HELB: variants seen among roughly 807,000 people sequenced by gnomAD.
HELB encodes the protein DNA 5'-3' helicase B.
HELB carries 96 observed loss-of-function variants against 101.7 expected under a neutral mutation model. The observed-to-expected ratio is 0.94, with a 90% CI of 0.80 to 1.12. The LOEUF (loss-of-function observed/expected upper bound fraction) is 1.12. Ranked by LOEUF, HELB falls within the 50% of genes most tolerant of loss-of-function variation. HELB has a pLI of 0.00. For missense variants in HELB, 1,210 were observed against 1,291.9 expected, an observed-to-expected ratio of 0.94 and a Z score of 0.97; for synonymous variants, 437 against 459.7, an observed-to-expected ratio of 0.95 and a Z score of 0.63.
Position 66,309,742 on chromosome 12 carries a change from G to C in HELB, c.814G>C (p.Ala272Pro). The C allele has an allele frequency of 6.2e-7, 1 of 1,612,530 alleles. No homozygotes were observed. The highest frequency in any genetic ancestry group is 8.5e-7 in the Non-Finnish European group (1 of 1,178,982). Residue 272 changes from alanine to proline, a missense_variant, in exon 4 of 13, where the codon GCA becomes CCA. Physicochemically the swap from Ala to Pro is conservative, Grantham distance 27. Around this residue, in one of 2 missense-constraint regions of HELB, gnomAD observed 470 missense variants for 563.1 expected, o/e 0.83. Coordinates refer to ENST00000247815, the MANE Select transcript of HELB (RefSeq NM_001370285.1). ...YREWKLLRCE[A>P]SWIAFCQCES... ...AGAGTGGAAACTCCTGCGATGTGAG[G>C]CAAGTTGGATAGCATTTTGTCAGTG...
chr12:66,315,377 C>A lies in HELB; in HGVS notation c.1994C>A (p.Ala665Asp). Residue 665 changes from alanine to aspartate, a missense_variant, in exon 6 of 13, where the codon GCT (alanine) becomes GAT (aspartate). Coordinates refer to ENST00000247815, the MANE Select transcript of HELB (RefSeq NM_001370285.1). ...RAESQLIVDNATRISRRQFPK... is the reference protein window; with the variant it reads ...RAESQLIVDNDTRISRRQFPK... ...GAATCTCAGCTCATTGTGGACAATG[C>A]TACAAGGTATAATATTACTAAGAGT... 3 of 1,581,554 alleles carry A rather than the reference C, an allele frequency of 1.9e-6. No homozygotes were observed. The highest frequency in any genetic ancestry group is 1.7e-6 in the Non-Finnish European group (2 of 1,166,986).
chr12:66,334,873 G>A (rs1028309414), intron 12 of HELB, among the ~76,000 whole-genome samples: 1 of 152,114 alleles, frequency 6.6e-6, no homozygotes, highest in South Asian at 2.1e-4. Flanking sequence ...GGGAAGTGAG[G>A]AGACCAGTAG....
At chr12:66,315,453 A>G (rs745495409) in intron 6 of HELB, 70 bp downstream of exon 6, 21 of 1,178,156 alleles carry the variant, frequency 1.8e-5, no homozygotes, top group African/African-American at 3.1e-5. Flanking sequence ...CCTTTGAATT[A>G]GAATGATTTA....
chr12:66,317,470 C>A (rs1415208915), intron 6 of HELB, among the ~76,000 whole-genome samples: 1 of 152,142 alleles, frequency 6.6e-6, no homozygotes, highest in African/African-American at 2.4e-5. Context: ...TTCCTGTAAT[C>A]TTTCTGCTTC....
chr12:66,322,004 A>G lies in HELB; in HGVS notation c.2212A>G (p.Thr738Ala). The change falls in exon 8 of 13, where the codon ACA becomes GCA. Residue 738 changes from threonine (T) to alanine (A), a missense_variant. This residue lies in a region of HELB where 740 missense variants were observed against 728.8 expected (regional missense o/e 1.02). Coordinates refer to ENST00000247815, the MANE Select transcript of HELB (RefSeq NM_001370285.1). ...AGAAAATAACTTACAAAATGCAAAA[A>G]CATCACAATTTATTGCATTTAGAAG... ...LQENNLQNAK[T>A]SQFIAFRRQD... 8.6e-7 allele frequency: 1 copy of G among 1,169,440 alleles called. No individual in the cohort carries two copies. Among genetic ancestry groups the G allele is most frequent in the Non-Finnish European group, 1.2e-6 (1 of 806,336 alleles). 72.4% of individuals were successfully genotyped at this position (1,169,440 alleles called of 1,614,324 possible).
At chr12:66,323,936 C>A in intron 9 of HELB, 47 bp from the exon 10 acceptor site, 1 of 1,281,068 alleles carries the variant, frequency 7.8e-7, no homozygotes, top group Non-Finnish European at 1.1e-6. Context: ...ACAAGTGAAA[C>A]GGAGACTTTC....
rs2053475950 is a variant in HELB at position 66,306,389 on chromosome 12, A to G, written c.652A>G (p.Met218Val). 6 of 1,603,146 alleles carry G rather than the reference A, an allele frequency of 3.7e-6. No homozygotes were observed. Among genetic ancestry groups the G allele is most frequent in the Admixed American group, 1.7e-5 (1 of 58,112 alleles). The change falls in exon 3 of 13, where the codon ATG becomes GTG. Residue 218 changes from methionine (M) to valine (V), a missense_variant. This residue lies in a region of HELB where 470 missense variants were observed against 563.1 expected (regional missense o/e 0.83). Transcript: ENST00000247815. ...GACAGCTTTGCAGTTTCCGAAGATA[A>G]TGGAATTCCTTCCAGTTCTTCTGCC... Reference protein sequence around the residue: ...VMTALQFPKIMEFLPVLLPRH... With the variant: ...VMTALQFPKIVEFLPVLLPRH...
chr12:66,305,449 A>C (rs1285405751), intron 2 of HELB, among the ~76,000 whole-genome samples: 1 of 152,160 alleles, frequency 6.6e-6, no homozygotes, highest in Non-Finnish European at 1.5e-5. Context: ...ATAAAAAAAA[A>C]TTCAGTTGCT....
intron 12 of HELB, among the ~76,000 whole-genome samples, chr12:66,337,650 A>G (rs1214635726): frequency 6.6e-6 from 1 of 152,030 alleles, no homozygotes; most frequent in African/African-American, 2.4e-5. Context: ...TGTAATCACC[A>G]TCTTGAAATT....
intron 12 of HELB, among the ~76,000 whole-genome samples, chr12:66,332,586 C>T (rs746839864): frequency 1.8e-4 from 28 of 152,188 alleles, no homozygotes; most frequent in Non-Finnish European, 3.5e-4. Context: ...GAGTAAGTCT[C>T]AGTGTTGCAG....
At chr12:66,319,155 T>C (rs2053643271) in intron 7 of HELB, among the ~76,000 whole-genome samples, 1 of 152,226 alleles carries the variant, frequency 6.6e-6, no homozygotes, top group Non-Finnish European at 1.5e-5. Context: ...TACATTTATT[T>C]TGAATACAAA....
At chr12:66,327,623 A>G (rs1424383215) in intron 11 of HELB, among the ~76,000 whole-genome samples, 3 of 152,218 alleles carry the variant, frequency 2.0e-5, no homozygotes, top group Admixed American at 6.5e-5. Context: ...TGATTGTTAT[A>G]TCAACACACT....
chr12:66,318,612 G>GT, intron 6 of HELB, 26 bp from the exon 7 acceptor site: 3 of 1,486,778 alleles, frequency 2.0e-6, no homozygotes, highest in Middle Eastern at 4.0e-4. Flanking sequence ...AATGTTCTTT[G>GT]TGTGTGTGTG....
At chr12:66,322,087 T>C in intron 8 of HELB, 58 bp downstream of exon 8, 1 of 667,808 alleles carries the variant, frequency 1.5e-6, no homozygotes, top group Non-Finnish European at 2.6e-6. Context: ...TCATAACTTA[T>C]TAATATAGAT....
intron 1 of HELB, among the ~76,000 whole-genome samples, chr12:66,303,350 G>A (rs939453382): frequency 6.6e-6 from 1 of 151,988 alleles, no homozygotes; most frequent in African/African-American, 2.4e-5. Context: ...AAAACAGTCC[G>A]GGCGCGGTGG....
At chr12:66,314,448 A>G (rs1001970411) in intron 5 of HELB, among the ~76,000 whole-genome samples, 1 of 152,180 alleles carries the variant, frequency 6.6e-6, no homozygotes, top group Non-Finnish European at 1.5e-5. Flanking sequence ...CCACAGATTC[A>G]GAGTAAATCA....
chr12:66,304,535 T>C (rs757956008), intron 1 of HELB, among the ~76,000 whole-genome samples, 196 bp from the exon 2 acceptor site: 5 of 152,156 alleles, frequency 3.3e-5, no homozygotes, highest in Admixed American at 2.6e-4. Context: ...TGTCCTGTTT[T>C]AGTATTTACA....
At chr12:66,320,994 C>A (rs1363042952) in intron 7 of HELB, among the ~76,000 whole-genome samples, 1 of 152,186 alleles carries the variant, frequency 6.6e-6, no homozygotes, top group Non-Finnish European at 1.5e-5. Context: ...TTGGAAATTC[C>A]TGTTCCGGAA....
At position 66,325,175 on chromosome 12, in the gene HELB, A is replaced by T. The variant is rs755744599; in HGVS notation, c.2670+49A>T. The T allele has an allele frequency of 1.3e-5, 18 of 1,347,946 alleles. 1 individual carries two copies. In the South Asian group the frequency reaches 2.3e-4, roughly 17 times the overall value. 83.5% of individuals were successfully genotyped at this position (1,347,946 alleles called of 1,614,324 possible). A position where few individuals can be genotyped will look rare whatever the true frequency, so the allele number is the denominator to read the frequency against. ...CTTTTAAATAATTTACCAACCTTAGAGCGCCTTGCATTGTTTTCGTAAATT... is the reference window on the plus strand; with the variant it reads ...CTTTTAAATAATTTACCAACCTTAGTGCGCCTTGCATTGTTTTCGTAAATT... On this transcript the variant is annotated intron_variant, in intron 11 of 12. Transcript: ENST00000247815.
Sources: gnomAD v4.1 joint callset for allele counts (sites outside exome capture counted in the v4.1 genomes callset) on GRCh38, gnomAD v4.1.1 for gene constraint, gnomAD v4.1.1 regional missense constraint, MANE v1.5 for transcripts, NCBI Gene and HGNC (gene_info 2026-07-23, HGNC 2026-07-21) for gene names.